RADX: variants seen among roughly 807,000 people sequenced by gnomAD.
RADX encodes the protein RPA-related protein RADX.
A neutral mutation model predicts 61.6 loss-of-function variants in RADX; 36 were observed. The ratio of observed to expected loss-of-function variants is 0.58; its 90% CI spans 0.45 to 0.77. The LOEUF (loss-of-function observed/expected upper bound fraction) is 0.77. RADX is among the 30% of genes least tolerant of loss of function. The pLI is 0.00. For missense variants in RADX, 497 were observed against 651.1 expected (o/e 0.76, Z 2.58); for synonymous variants, 272 against 237.9 (o/e 1.14, Z -1.32).
At chrX:106,674,591 A>G (rs1460688627) in intron 13 of RADX, among the ~76,000 whole-genome samples, 1 of 111,940 alleles carries the variant, frequency 8.9e-6, no homozygotes, top group Non-Finnish European at 1.9e-5. Context: ...CTTGCTGCCC[A>G]TTCGTATGTC....
intron 13 of RADX, among the ~76,000 whole-genome samples, chrX:106,672,880 G>A (rs780776444): frequency 8.9e-6 from 1 of 111,894 alleles, no homozygotes; most frequent in East Asian, 2.8e-4. Flanking sequence ...CCTTTCCAAA[G>A]GCAGGAGGGA....
intron 3 of RADX, among the ~76,000 whole-genome samples, chrX:106,630,546 G>A (rs776971107): frequency 9.0e-6 from 1 of 110,932 alleles, no homozygotes; most frequent in East Asian, 2.8e-4. Flanking sequence ...AAGGTATAAA[G>A]GTTTTAAAGA....
At chrX:106,656,636 G>A (rs946314868) in intron 11 of RADX, among the ~76,000 whole-genome samples, 5 of 111,703 alleles carry the variant, frequency 4.5e-5, no homozygotes, top group East Asian at 2.8e-4. Context: ...TTGCAGGCAC[G>A]AAAACAACAT....
At chrX:106,636,888 A>C (rs190196658) in intron 7 of RADX, among the ~76,000 whole-genome samples, 11 of 111,744 alleles carry the variant, frequency 9.8e-5, no homozygotes, top group African/African-American at 3.6e-4. Flanking sequence ...TATATCCTTC[A>C]GTCAACTTTA....
At chrX:106,624,368 C>T (rs766130409) in intron 2 of RADX, among the ~76,000 whole-genome samples, 2 of 111,807 alleles carry the variant, frequency 1.8e-5, no homozygotes, top group African/African-American at 6.5e-5. Context: ...CGCTCCCTGA[C>T]TGTAGGGAAG....
intron 13 of RADX, among the ~76,000 whole-genome samples, chrX:106,675,323 C>T (rs1309965860): frequency 2.7e-5 from 3 of 112,390 alleles, no homozygotes; most frequent in Non-Finnish European, 3.8e-5. Flanking sequence ...TACAAAGCAA[C>T]TCTAAAGTCA....
chrX:106,654,277 A>G (rs1927874543), intron 11 of RADX, among the ~76,000 whole-genome samples: 1 of 108,006 alleles, frequency 9.3e-6, no homozygotes, highest in Non-Finnish European at 1.9e-5. Flanking sequence ...GCATTTCTCT[A>G]ATGACTAGTG....
intron 10 of RADX, among the ~76,000 whole-genome samples, chrX:106,643,036 A>G (rs1056544765): frequency 1.8e-5 from 2 of 111,080 alleles, no homozygotes; most frequent in Non-Finnish European, 3.8e-5. Flanking sequence ...TTCAGCATCA[A>G]ATGAAACGAT....
Position 106,640,564 on chromosome X carries a change from C to T in RADX, c.1747C>T (p.Pro583Ser). The T allele has an allele frequency of 1.7e-6, 2 of 1,188,464 alleles. No homozygotes were observed. Among genetic ancestry groups the T allele is most frequent in the Non-Finnish European group, 2.3e-6 (2 of 883,583 alleles). ...ASETLRNANR[P>S]STSQAARVEI... Reference sequence around the variant, plus strand: ...TTATTGGTTTTAGAATGCTAACAGACCCTCGACCTCTCAAGCAGCTAGAGT... The same window carrying T: ...TTATTGGTTTTAGAATGCTAACAGATCCTCGACCTCTCAAGCAGCTAGAGT... Residue 583 changes from proline to serine, a missense_variant, in exon 10 of 14, where the codon CCC becomes TCC. Coordinates refer to ENST00000372548, the MANE Select transcript of RADX (RefSeq NM_018015.6).
Position 106,678,574 on chromosome X carries a change from T to C in RADX, c.*316T>C, listed in dbSNP as rs1928566390. On this transcript the variant is annotated 3_prime_UTR_variant, in exon 14 of 14. Transcript: ENST00000372548. ...CCATTTGTGAAGTGTACTTTCATTC[T>C]AAAGCCTCAGTATAAGGCATCCTAA... 7.0e-6 allele frequency: 1 copy of C among 141,988 alleles called. No homozygotes were observed. Among genetic ancestry groups the C allele is most frequent in the African/African-American group, 3.1e-5 (1 of 31,994 alleles). 11.7% of individuals were successfully genotyped at this position (141,988 alleles called of 1,213,427 possible).
intron 1 of RADX, among the ~76,000 whole-genome samples, chrX:106,619,989 ACCTCTAGTGGTGC>A (rs1165093486): frequency 5.4e-5 from 6 of 111,284 alleles, no homozygotes; most frequent in African/African-American, 1.3e-4. Context: ...TGGTCCAGGG[ACCTCTAGTGGTGC>A]CCCAAGACAT....
chrX:106,649,506 C>T (rs1219105747), intron 11 of RADX, among the ~76,000 whole-genome samples: 1 of 111,704 alleles, frequency 9.0e-6, no homozygotes, highest in East Asian at 2.8e-4. Flanking sequence ...ATCTCTTTTA[C>T]CTACAGAAGA....
At position 106,633,099 on chromosome X, in the gene RADX, CT is replaced by C; in HGVS notation, c.1181-29del. 3.4e-6 allele frequency: 4 copies of C among 1,180,261 alleles called. No homozygotes were observed. In the South Asian group the frequency reaches 5.5e-5, roughly 16 times the overall value. The stretch of plus-strand genomic sequence containing the variant: ...GTGTTCATATGTATATAACAGTTAC[CT>C]TCATTTATTTTAATATTCTATCCAT... On this transcript the variant is annotated intron_variant, in intron 5 of 13. Transcript: ENST00000372548.
intron 1 of RADX, among the ~76,000 whole-genome samples, chrX:106,615,134 G>A (rs1926770533): frequency 8.9e-6 from 1 of 111,969 alleles, no homozygotes. Flanking sequence ...AACTCTACCG[G>A]GGTCTGGAAG....
intron 1 of RADX, among the ~76,000 whole-genome samples, chrX:106,619,758 T>A (rs1435277098): frequency 9.4e-6 from 1 of 106,262 alleles, no homozygotes; most frequent in Non-Finnish European, 1.9e-5. Flanking sequence ...AATTTTTATT[T>A]GTGTGTATAT....
intron 8 of RADX, chrX:106,638,562 T>A (rs1162124101): frequency 8.9e-6 from 1 of 112,459 alleles, no homozygotes; most frequent in African/African-American, 3.2e-5. Flanking sequence ...GCGCCCGGCC[T>A]AACCTGAAAC....
chrX:106,613,999 A>T (rs1347679269), intron 1 of RADX, among the ~76,000 whole-genome samples: 1 of 111,963 alleles, frequency 8.9e-6, no homozygotes, highest in Non-Finnish European at 1.9e-5. Context: ...ACAAAAGGCA[A>T]TGTCTGTATG....
rs376438253 is a variant in RADX, at chrX:106,612,093, T to C, written c.13T>C (p.Ser5Pro). Reference sequence around the variant, plus strand: ...CAGTTATCCAACAATGTCTGGTGAGTCAGGACAGCCTGAGGCTGGTCCCTC... The same window carrying C: ...CAGTTATCCAACAATGTCTGGTGAGCCAGGACAGCCTGAGGCTGGTCCCTC... MSGE[S>P]GQPEAGPSHA... The change falls in exon 1 of 14, where the codon TCA (serine) becomes CCA (proline). Residue 5 changes from serine to proline, a missense_variant. Physicochemically the swap from Ser to Pro is moderately conservative, Grantham distance 74 (BLOSUM62 -1). This residue lies in a region of RADX where 34 missense variants were observed against 29.1 expected (regional missense o/e 1.17). Transcript: ENST00000372548. The C allele has an allele frequency of 5.7e-5, 68 of 1,203,142 alleles. No individual in the cohort carries two copies. Among genetic ancestry groups the C allele is most frequent in the Non-Finnish European group, 7.3e-5 (65 of 892,031 alleles).
At chrX:106,633,341 G>A in intron 6 of RADX, 89 bp downstream of exon 6, 2 of 768,031 alleles carry the variant, frequency 2.6e-6, no homozygotes, top group Non-Finnish European at 3.7e-6. Flanking sequence ...CAGAAGTAGG[G>A]TGACATTGAG....
Sources: allele counts gnomAD v4.1 joint callset (sites outside exome capture counted in the v4.1 genomes callset), GRCh38; gene constraint gnomAD v4.1.1; regional missense constraint gnomAD v4.1.1; transcripts MANE v1.5; gene names NCBI Gene and HGNC (gene_info 2026-07-23, HGNC 2026-07-21).